The following FGF18 variants were observed in gnomAD, a reference collection of about 807,000 sequenced individuals.
FGF18 encodes the protein fibroblast growth factor 18.
In FGF18, 5 loss-of-function variants were observed where a neutral mutation model predicts 23.0. The observed-to-expected ratio is 0.22, with a 90% CI of 0.11 to 0.46. FGF18 has a LOEUF of 0.46. Among genes scored for constraint, FGF18 ranks in the 20% least tolerant of loss-of-function variants. The pLI, the probability that FGF18 is intolerant of heterozygous loss-of-function variation, is 0.99. For synonymous variants in FGF18, 117 were observed against 118.9 expected, an observed-to-expected ratio of 0.98 and a Z score of 0.10; for missense variants, 180 against 291.6, an observed-to-expected ratio of 0.62 and a Z score of 2.79.
chr5:171,449,360 CGT>C lies in FGF18; in HGVS notation c.357+147_357+148del, dbSNP rs56932885. On this transcript the variant is annotated intron_variant, in intron 4 of 4. Transcript: ENST00000274625. ...TGTCAGTCCCAAATGGAAAACAGGC[CGT>C]GTGTGTGTGTGTGTGTGTGTGTGTG... The C allele has an allele frequency of 3.2e-4, 59 of 187,262 alleles. 2 individuals are homozygous for C. The highest frequency in any genetic ancestry group is 1.4e-3 in the African/African-American group (38 of 26,728). 11.6% of individuals were successfully genotyped at this position (187,262 alleles called of 1,614,324 possible).
intron 2 of FGF18, among the ~76,000 whole-genome samples, chr5:171,422,939 TG>T (rs1262023199): frequency 1.3e-5 from 2 of 152,080 alleles, no homozygotes; most frequent in African/African-American, 2.4e-5. Context: ...TGGTATATGA[TG>T]GGGGGTGGGG....
At chr5:171,449,360 CGTGTGTGTGTGTGT>C (rs56932885) in intron 4 of FGF18, 107 bp downstream of exon 4, 2 of 187,226 alleles carry the variant, frequency 1.1e-5, no homozygotes, top group South Asian at 6.3e-5. Context: ...GAAAACAGGC[CGTGTGTGTGTGTGT>C]GTGTGTGTGT....
rs898044302 is a variant in FGF18, at chr5:171,420,573, A to G, written c.69+130A>G. On this transcript the variant is annotated intron_variant, in intron 2 of 4. Transcript: ENST00000274625. ...CGCTGAGCCCAGTGCACCTGTTCCC[A>G]GGGCGCGGAAGGGCGGCTCCGCGTG... The G allele has an allele frequency of 1.1e-4, 94 of 832,562 alleles. No homozygotes were observed. In the Admixed American group the frequency reaches 2.1e-3, roughly 18 times the overall value. 51.6% of individuals were successfully genotyped at this position (832,562 alleles called of 1,614,324 possible). A position where few individuals can be genotyped will look rare whatever the true frequency, so the allele number is the denominator to read the frequency against.
At chr5:171,428,538 C>A (rs1192855762) in intron 2 of FGF18, among the ~76,000 whole-genome samples, 1 of 152,174 alleles carries the variant, frequency 6.6e-6, no homozygotes, top group Non-Finnish European at 1.5e-5. Context: ...TGCGTGCGTG[C>A]ATGTGTCTAT....
intron 3 of FGF18, among the ~76,000 whole-genome samples, chr5:171,447,703 T>C (rs1772439039): frequency 6.6e-6 from 1 of 152,226 alleles, no homozygotes; most frequent in African/African-American, 2.4e-5. Context: ...CACCAGGGTC[T>C]ATATTTGTAA....
Position 171,436,403 on chromosome 5 carries a change from TCTGG to T in FGF18, c.250+131_250+134del. 3.1e-6 allele frequency: 2 copies of T among 639,656 alleles called. No homozygotes were observed. Among genetic ancestry groups the T allele is most frequent in the Non-Finnish European group, 4.8e-6 (2 of 412,970 alleles). The allele number at this position is 639,656 out of a possible 1,614,324, so 39.6% of individuals were successfully genotyped here. ...GATCTTGGACCTGGCACTGACCCTT[TCTGG>T]GTCTGTTTCCTGATCTATAAAATGG... On this transcript the variant is annotated intron_variant, in intron 3 of 4. Coordinates refer to ENST00000274625, the MANE Select transcript of FGF18 (RefSeq NM_003862.3). The surrounding 1 kb of genome is among the most constrained non-coding windows in gnomAD (Gnocchi z 4.4).
chr5:171,446,660 C>T (rs932758604), intron 3 of FGF18, among the ~76,000 whole-genome samples: 1 of 152,162 alleles, frequency 6.6e-6, no homozygotes, highest in Non-Finnish European at 1.5e-5. Flanking sequence ...CTTCCTGCAT[C>T]TCCCATCCCT....
At position 171,456,526 on chromosome 5, in the gene FGF18, C is replaced by T. The variant is rs1772583626; in HGVS notation, c.358-13C>T. 2 of 1,609,318 alleles carry T rather than the reference C, an allele frequency of 1.2e-6. No individual in the cohort carries two copies. Among genetic ancestry groups the T allele is most frequent in the Admixed American group, 1.7e-5 (1 of 59,710 alleles). ...CATTTTTTTCTTGAACACTCCCCCTCTCTCCCCTGCAGCCCGATGGCACCA... is the reference window on the plus strand; with the variant it reads ...CATTTTTTTCTTGAACACTCCCCCTTTCTCCCCTGCAGCCCGATGGCACCA... On this transcript the variant is annotated splice_polypyrimidine_tract_variant and intron_variant, in intron 4 of 4. Transcript: ENST00000274625. This position sits in a 1 kb window ranked among gnomAD's most constrained non-coding sequence, Gnocchi z 6.1.
chr5:171,450,110 T>C (rs1581279621), intron 4 of FGF18, among the ~76,000 whole-genome samples: 1 of 106,166 alleles, frequency 9.4e-6, no homozygotes. Flanking sequence ...ACAGGTGGAG[T>C]GGGGTGGAGG....
In FGF18 at chr5:171,420,592, C is replaced by T. The variant is rs370575059; in HGVS notation, c.69+149C>T. On this transcript the variant is annotated intron_variant, in intron 2 of 4. Transcript: ENST00000274625. ...GTTCCCAGGGCGCGGAAGGGCGGCT[C>T]CGCGTGCGCCCTGCGCCGGCGGGGA... The T allele has an allele frequency of 2.3e-5, 17 of 742,030 alleles. 1 individual carries two copies. The highest frequency in any genetic ancestry group is 9.0e-5 in the African/African-American group (5 of 55,696). 46.0% of individuals were successfully genotyped at this position (742,030 alleles called of 1,614,324 possible). A position where few individuals can be genotyped will look rare whatever the true frequency, so the allele number is the denominator to read the frequency against.
chr5:171,441,597 T>C (rs948001953), intron 3 of FGF18, among the ~76,000 whole-genome samples: 38 of 152,214 alleles, frequency 2.5e-4, no homozygotes, highest in South Asian at 2.1e-4. Context: ...CTGTCCACCC[T>C]TCCTAGCACT....
chr5:171,446,223 G>C (rs1049243544), intron 3 of FGF18, among the ~76,000 whole-genome samples: 1 of 152,178 alleles, frequency 6.6e-6, no homozygotes, highest in Non-Finnish European at 1.5e-5. Flanking sequence ...ATGCTGGGGT[G>C]GGGGTGGCTA....
rs1426622547 is a variant in FGF18 at position 171,457,158 on chromosome 5, GAAAAAAAAAAAAAAC to G, written c.*363_*377del. On this transcript the variant is annotated 3_prime_UTR_variant, in exon 5 of 5. Transcript: ENST00000274625. ...TCCTTTTTCCCAAAGGTTCTGAAAGGAAAAAAAAAAAAAACAAAAAAAAAGAAAAACAAAGAGAAA... is the reference window on the plus strand; with the variant it reads ...TCCTTTTTCCCAAAGGTTCTGAAAGGAAAAAAAAAGAAAAACAAAGAGAAA... 1 of 90,630 alleles carries G rather than the reference GAAAAAAAAAAAAAAC, an allele frequency of 1.1e-5. No homozygotes were observed. Among genetic ancestry groups the G allele is most frequent in the Non-Finnish European group, 2.3e-5 (1 of 43,076 alleles). The allele number at this position is 90,630 out of a possible 1,614,324, so 5.6% of individuals were successfully genotyped here.
intron 2 of FGF18, among the ~76,000 whole-genome samples, chr5:171,425,144 G>T (rs1240523245): frequency 1.3e-5 from 2 of 152,152 alleles, no homozygotes; most frequent in Non-Finnish European, 2.9e-5. Flanking sequence ...GAGACTTGTG[G>T]GTGTGGAAAA....
At chr5:171,424,736 T>G (rs1353594570) in intron 2 of FGF18, among the ~76,000 whole-genome samples, 1 of 151,944 alleles carries the variant, frequency 6.6e-6, no homozygotes, top group Non-Finnish European at 1.5e-5. Context: ...CTGCAGGTCC[T>G]GATCCTCCTG....
intron 4 of FGF18, among the ~76,000 whole-genome samples, chr5:171,455,729 GA>G (rs1177501627): frequency 6.6e-6 from 1 of 152,220 alleles, no homozygotes; most frequent in Non-Finnish European, 1.5e-5. Flanking sequence ...GGGTTGCCTA[GA>G]AAAGGTCTCA....
Position 171,451,308 on chromosome 5 carries a change from G to T in FGF18, c.357+2055G>T, listed in dbSNP as rs952640857. On this transcript the variant is annotated intron_variant, in intron 4 of 4. Coordinates refer to ENST00000274625, the MANE Select transcript of FGF18 (RefSeq NM_003862.3). This position sits in a 1 kb window ranked among gnomAD's most constrained non-coding sequence, Gnocchi z 4.5. ...AGCCTCCTGTCTTCTGGGCCCACCC[G>T]GGGGACTCGAGGACGCCACCAAATC... Among the ~76,000 whole-genome samples the T allele has an allele frequency of 6.7e-6, 1 of 149,252 alleles. No individual in the cohort carries two copies. The highest frequency in any genetic ancestry group is 1.5e-5 in the Non-Finnish European group (1 of 67,386).
At chr5:171,443,445 TC>T (rs1772373790) in intron 3 of FGF18, among the ~76,000 whole-genome samples, 1 of 146,006 alleles carries the variant, frequency 6.8e-6, no homozygotes, top group Admixed American at 7.0e-5. Flanking sequence ...ACTCTTAACA[TC>T]TTAACATTGC....
At chr5:171,423,766 G>A (rs1252077560) in intron 2 of FGF18, among the ~76,000 whole-genome samples, 1 of 150,038 alleles carries the variant, frequency 6.7e-6, no homozygotes, top group Non-Finnish European at 1.5e-5. Flanking sequence ...TCTGTTAGTG[G>A]ATGGCACTTT....
Sources: allele counts gnomAD v4.1 joint callset (sites outside exome capture counted in the v4.1 genomes callset), GRCh38; gene constraint gnomAD v4.1.1; non-coding constraint Gnocchi (gnomAD v3.1); transcripts MANE v1.5; gene names NCBI Gene and HGNC (gene_info 2026-07-23, HGNC 2026-07-21).